Variants in SORCS2 observed in about 807,000 individuals in gnomAD.
SORCS2 encodes the protein VPS10 domain-containing receptor SorCS2.
A neutral mutation model predicts 141.6 loss-of-function variants in SORCS2; 100 were observed. The observed-to-expected ratio is 0.71, with a 90% CI of 0.60 to 0.83. SORCS2 has a LOEUF of 0.83. Among genes scored for constraint, SORCS2 ranks in the 40% least tolerant of loss-of-function variants. The pLI is 0.00. For missense variants in SORCS2, 1,646 were observed against 1,560.2 expected (o/e 1.05, Z -0.93); for synonymous variants, 789 against 676.9 (o/e 1.17, Z -2.57).
intron 4 of SORCS2, 137 bp downstream of exon 4, chr4:7,638,629 GC>G: frequency 1.1e-6 from 1 of 889,602 alleles, no homozygotes. Flanking sequence ...GGGGCTGGGG[GC>G]CGGGATGCTG....
At chr4:7,654,109 T>A (rs1254128962) in intron 4 of SORCS2, 25 bp from the exon 5 acceptor site, 1 of 1,555,122 alleles carries the variant, frequency 6.4e-7, no homozygotes, top group South Asian at 1.2e-5. Flanking sequence ...TGACCAAGCT[T>A]TTGTTTCTTT....
At chr4:7,245,146 C>T (rs1224268407) in intron 1 of SORCS2, among the ~76,000 whole-genome samples, 1 of 152,194 alleles carries the variant, frequency 6.6e-6, no homozygotes, top group Non-Finnish European at 1.5e-5. Flanking sequence ...CCCCCTTCCC[C>T]CTGGAAGCTG....
intron 26 of SORCS2, 178 bp downstream of exon 26, chr4:7,737,350 G>A (rs1250695952): frequency 4.9e-6 from 4 of 819,636 alleles, no homozygotes; most frequent in South Asian, 1.8e-5. Flanking sequence ...CTGATGAGGG[G>A]ATGACGGGAC....
intron 3 of SORCS2, among the ~76,000 whole-genome samples, chr4:7,535,127 C>T (rs60046977): frequency 0.014 from 2,091 of 152,276 alleles, 39 homozygotes; most frequent in African/African-American, 0.046. Context: ...CTGGGTGCCC[C>T]GGTTTGGGCC....
chr4:7,324,966 T>G (rs1471209197), intron 1 of SORCS2, among the ~76,000 whole-genome samples: 5 of 152,174 alleles, frequency 3.3e-5, no homozygotes, highest in Admixed American at 3.3e-4. Flanking sequence ...CTGAGCGCCC[T>G]GGCCTGGAAG....
rs138817791 is a variant in SORCS2 at position 7,495,073 on chromosome 4, G to A, written c.549-36457G>A. On this transcript the variant is annotated intron_variant, in intron 2 of 26. Transcript: ENST00000507866. Reference sequence around the variant, plus strand: ...AGGCAGAGCAAGGCCCTGCGACGTCGAAATGGATTGTTCTCCTCTAGCAAC... The same window carrying A: ...AGGCAGAGCAAGGCCCTGCGACGTCAAAATGGATTGTTCTCCTCTAGCAAC... 2.2e-3 allele frequency among the ~76,000 whole-genome samples: 337 copies of A among 152,356 alleles called. 1 individual carries two copies. The highest frequency in any genetic ancestry group is 6.6e-3 in the African/African-American group (274 of 41,578).
chr4:7,294,509 CCTCCAT>C (rs1560169997), intron 1 of SORCS2, among the ~76,000 whole-genome samples: 2 of 147,112 alleles, frequency 1.4e-5, no homozygotes, highest in African/African-American at 5.4e-5. Flanking sequence ...GGGAGCTCCT[CCTCCAT>C]GCCCCAGGGA....
At chr4:7,572,178 T>G (rs1715448691) in intron 3 of SORCS2, among the ~76,000 whole-genome samples, 1 of 152,182 alleles carries the variant, frequency 6.6e-6, no homozygotes, top group South Asian at 2.1e-4. Context: ...ATATACAAGG[T>G]GCAAGACAAT....
At chr4:7,398,591 G>A (rs529269777) in intron 2 of SORCS2, among the ~76,000 whole-genome samples, 26 of 152,232 alleles carry the variant, frequency 1.7e-4, no homozygotes, top group South Asian at 4.1e-4. Flanking sequence ...CCTACCCATC[G>A]GAGCAATTAC....
At chr4:7,707,908 A>G (rs962774572) in intron 14 of SORCS2, among the ~76,000 whole-genome samples, 3 of 152,174 alleles carry the variant, frequency 2.0e-5, no homozygotes, top group Non-Finnish European at 4.4e-5. Context: ...CCCAGCCAGC[A>G]CAGCTCACAC....
intron 3 of SORCS2, among the ~76,000 whole-genome samples, chr4:7,575,422 T>C (rs1283811169): frequency 6.6e-6 from 1 of 152,188 alleles, no homozygotes; most frequent in African/African-American, 2.4e-5. Flanking sequence ...ATCCAGTGTA[T>C]AATTTAGCTG....
intron 2 of SORCS2, among the ~76,000 whole-genome samples, chr4:7,480,046 A>C (rs1269187938): frequency 6.6e-6 from 1 of 152,168 alleles, no homozygotes; most frequent in African/African-American, 2.4e-5. Flanking sequence ...GCTGAGCCTG[A>C]GCTGAGTCTG....
intron 4 of SORCS2, among the ~76,000 whole-genome samples, chr4:7,641,090 G>A (rs372368579): frequency 5.9e-5 from 9 of 152,282 alleles, no homozygotes; most frequent in South Asian, 2.1e-4. Context: ...CTGTGCCACC[G>A]CAGGCCAGCT....
intron 1 of SORCS2, among the ~76,000 whole-genome samples, chr4:7,386,662 C>G (rs1200751148): frequency 6.6e-6 from 1 of 151,556 alleles, no homozygotes; most frequent in African/African-American, 2.4e-5. Context: ...GAAATACATG[C>G]ACACACACAT....
intron 2 of SORCS2, among the ~76,000 whole-genome samples, chr4:7,407,437 G>A (rs909385852): frequency 3.1e-4 from 47 of 152,024 alleles, no homozygotes; most frequent in African/African-American, 1.1e-3. Flanking sequence ...ATAGTGACCT[G>A]CTTTGTGTCT....
At chr4:7,737,506 G>C (rs116185470) in intron 26 of SORCS2, among the ~76,000 whole-genome samples, 1 of 152,128 alleles carries the variant, frequency 6.6e-6, no homozygotes, top group African/African-American at 2.4e-5. Flanking sequence ...AGCCTGACTC[G>C]GGCCTCAGGA....
intron 8 of SORCS2, among the ~76,000 whole-genome samples, chr4:7,673,974 G>A (rs1722946874): frequency 6.6e-6 from 1 of 152,208 alleles, no homozygotes; most frequent in Non-Finnish European, 1.5e-5. Context: ...CCAACGCCCG[G>A]ATGACAGAGT....
chr4:7,617,174 G>T (rs570036666), intron 3 of SORCS2, among the ~76,000 whole-genome samples: 20 of 152,200 alleles, frequency 1.3e-4, no homozygotes, highest in Non-Finnish European at 2.9e-5. Flanking sequence ...ATCTATCCAA[G>T]TGCCATTGAT....
chr4:7,398,761 C>A (rs1302935088), intron 2 of SORCS2, among the ~76,000 whole-genome samples: 2 of 152,116 alleles, frequency 1.3e-5, no homozygotes, highest in Non-Finnish European at 2.9e-5. Context: ...CTGTTACGAG[C>A]CCCTGGAGTT....
Sources: gnomAD v4.1 joint callset for allele counts (sites outside exome capture counted in the v4.1 genomes callset) on GRCh38, gnomAD v4.1.1 for gene constraint, MANE v1.5 for transcripts, NCBI Gene and HGNC (gene_info 2026-07-23, HGNC 2026-07-21) for gene names.